The following SORD variants were observed in gnomAD, a reference collection of about 807,000 sequenced individuals.
SORD encodes sorbitol dehydrogenase.
In SORD, 18 loss-of-function variants were observed where a neutral mutation model predicts 35.6. That is an observed-to-expected ratio of 0.51 (90% confidence interval 0.35 to 0.75). The LOEUF (loss-of-function observed/expected upper bound fraction) is 0.75, where lower values mean the gene tolerates loss of function less well. Ranked by LOEUF, SORD falls within the 30% of genes least tolerant of loss-of-function variation. The pLI is 0.01. For synonymous variants in SORD, 106 were observed against 152.9 expected (o/e 0.69, Z 2.26); for missense variants, 250 against 390.2 (o/e 0.64, Z 3.03).
At chr15:45,027,096 G>T (rs1172542586) in intron 1 of SORD, among the ~76,000 whole-genome samples, 2 of 152,246 alleles carry the variant, frequency 1.3e-5, no homozygotes, top group African/African-American at 2.4e-5. Flanking sequence ...AAGACCAGTG[G>T]TTTTCTTTTA....
intron 1 of SORD, among the ~76,000 whole-genome samples, chr15:45,028,349 T>A (rs201074744): frequency 0.19 from 26,862 of 142,204 alleles, no homozygotes; most frequent in African/African-American, 0.44. Flanking sequence ...AACAAAAAAA[T>A]TATATAAACA....
In SORD at chr15:45,069,019, G is replaced by A. The variant is rs199999714; in HGVS notation, c.753G>A (p.Thr251=). ...AGCCGGAAGTCACCATCGAGTGCACGGGGGCAGAGGCCTCCATCCAGGCGG... is the reference window on the plus strand; with the variant it reads ...AGCCGGAAGTCACCATCGAGTGCACAGGGGCAGAGGCCTCCATCCAGGCGG... The part of the protein sequence containing the change: ...GCKPEVTIEC[T]GAEASIQAGI... Residue 251 remains threonine, a synonymous_variant, in exon 7 of 9, where the codon ACG becomes ACA. Coordinates refer to ENST00000267814, the MANE Select transcript of SORD (RefSeq NM_003104.6). The A allele has an allele frequency of 1.5e-4, 244 of 1,596,654 alleles. 1 individual carries two copies. Among genetic ancestry groups the A allele is most frequent in the Middle Eastern group, 3.3e-4 (2 of 5,998 alleles).
Position 45,068,880 on chromosome 15 carries a change from T to G in SORD, c.614T>G (p.Leu205Arg), listed in dbSNP as rs1893455461. ...TTTTTTTTTTTTTTACCTTCAGATC[T>G]GTCTGCTACCCGATTGTCCAAAGCC... ...MGAAQVVVTD[L>R]SATRLSKAKE... Residue 205 changes from leucine (L) to arginine (R), a missense_variant, in exon 7 of 9, where the codon CTG (leucine) becomes CGG (arginine). Leu to Arg is a moderately radical substitution (Grantham distance 102). Coordinates refer to ENST00000267814, the MANE Select transcript of SORD (RefSeq NM_003104.6). The G allele has an allele frequency of 6.8e-7, 1 of 1,463,028 alleles. No homozygotes were observed. The highest frequency in any genetic ancestry group is 2.7e-5 in the Admixed American group (1 of 36,530). The allele number at this position is 1,463,028 out of a possible 1,614,324, so 90.6% of individuals were successfully genotyped here. A position where few individuals can be genotyped will look rare whatever the true frequency, so the allele number is the denominator to read the frequency against.
intron 3 of SORD, among the ~76,000 whole-genome samples, chr15:45,058,892 C>T (rs1893258309): frequency 6.6e-6 from 1 of 152,202 alleles, no homozygotes; most frequent in Non-Finnish European, 1.5e-5. Flanking sequence ...ATTAGGCAAG[C>T]ACAGAGTGCA....
chr15:45,036,982 A>G (rs1372949722), intron 1 of SORD, among the ~76,000 whole-genome samples: 5 of 152,228 alleles, frequency 3.3e-5, no homozygotes, highest in South Asian at 4.1e-4. Flanking sequence ...CCATGCTGTA[A>G]TAACTTTCTA....
chr15:45,056,278 C>A (rs7175182), intron 3 of SORD, among the ~76,000 whole-genome samples: 1 of 145,978 alleles, frequency 6.9e-6, no homozygotes, highest in Non-Finnish European at 1.5e-5. Context: ...AGCTGATAAG[C>A]AACTTCAGCA....
At chr15:45,028,662 A>G (rs1208289810) in intron 1 of SORD, among the ~76,000 whole-genome samples, 2 of 150,806 alleles carry the variant, frequency 1.3e-5, no homozygotes, top group Non-Finnish European at 2.9e-5. Flanking sequence ...AAAAATTAAT[A>G]TATTGGCATC....
At chr15:45,053,398 A>G (rs1347603495) in intron 3 of SORD, among the ~76,000 whole-genome samples, 1 of 152,204 alleles carries the variant, frequency 6.6e-6, no homozygotes, top group Non-Finnish European at 1.5e-5. Flanking sequence ...CAAAGACAAA[A>G]CACTAATAAT....
chr15:45,037,254 C>A (rs887976559), intron 1 of SORD, among the ~76,000 whole-genome samples: 72 of 152,254 alleles, frequency 4.7e-4, no homozygotes, highest in Admixed American at 7.2e-4. Flanking sequence ...AGCACCCTCT[C>A]GTGTCTGGGA....
chr15:45,025,790 C>G (rs1210073111), intron 1 of SORD, among the ~76,000 whole-genome samples: 3 of 152,150 alleles, frequency 2.0e-5, no homozygotes, highest in Non-Finnish European at 4.4e-5. Flanking sequence ...GCCCCGCCAC[C>G]CAGGAGACAT....
At chr15:45,055,958 C>G (rs1893208105) in intron 3 of SORD, among the ~76,000 whole-genome samples, 1 of 151,870 alleles carries the variant, frequency 6.6e-6, no homozygotes, top group Non-Finnish European at 1.5e-5. Flanking sequence ...GCTAAAAACT[C>G]TCAATAAATT....
intron 5 of SORD, 83 bp downstream of exon 5, chr15:45,065,472 G>T (rs1329859742): frequency 7.3e-6 from 11 of 1,513,816 alleles, no homozygotes; most frequent in Non-Finnish European, 8.9e-6. Flanking sequence ...CCCCTCCAAG[G>T]CTTGAGATTT....
Position 45,074,192 on chromosome 15 carries a change from G to A in SORD, c.*662G>A, listed in dbSNP as rs878985733. On this transcript the variant is annotated 3_prime_UTR_variant, in exon 9 of 9. Transcript: ENST00000267814. ...TTCCCCTAATGTGGAAAAAGTAAGA[G>A]GACTACTCAGCACTGTTTGAAGATT... The A allele has an allele frequency of 6.9e-6, 1 of 144,588 alleles. No individual in the cohort carries two copies. The highest frequency in any genetic ancestry group is 2.0e-4 in the East Asian group (1 of 5,014). The allele number at this position is 144,588 out of a possible 1,614,324, so 9.0% of individuals were successfully genotyped here.
chr15:45,023,331 A>T lies in SORD; in HGVS notation c.48A>T (p.Gly16=), dbSNP rs1361479856. ...KPNNLSLVVH[G]PGDLRLENYP... ...ACAACCTTTCCCTGGTGGTGCACGG[A>T]CCGGGGGACTTGCGCCTGGTAAGCT... The change falls in exon 1 of 9, where the codon GGA becomes GGT. Residue 16 remains glycine (G), a synonymous_variant. Coordinates refer to ENST00000267814, the MANE Select transcript of SORD (RefSeq NM_003104.6). 6.3e-7 allele frequency: 1 copy of T among 1,587,796 alleles called. No individual in the cohort carries two copies. The highest frequency in any genetic ancestry group is 1.2e-5 in the South Asian group (1 of 86,848).
intron 1 of SORD, among the ~76,000 whole-genome samples, chr15:45,029,207 C>T (rs925413177): frequency 6.6e-6 from 1 of 152,272 alleles, no homozygotes; most frequent in Admixed American, 6.5e-5. Context: ...CCAAACTGGA[C>T]ATACCATTTC....
intron 4 of SORD, among the ~76,000 whole-genome samples, chr15:45,062,761 A>G (rs1372827363): frequency 1.5e-5 from 2 of 135,186 alleles, no homozygotes; most frequent in African/African-American, 5.2e-5. Context: ...GCAGAAGAGC[A>G]TAGTGGTGAA....
intron 4 of SORD, among the ~76,000 whole-genome samples, chr15:45,062,084 A>G (rs1893322891): frequency 6.6e-6 from 1 of 152,084 alleles, no homozygotes; most frequent in South Asian, 2.1e-4. Context: ...ATGCATGGAG[A>G]GTCATAATTA....
chr15:45,050,794 T>A (rs1893112458), intron 3 of SORD: 1 of 152,212 alleles, frequency 6.6e-6, no homozygotes, highest in South Asian at 2.1e-4. Flanking sequence ...ATACTCCAAA[T>A]TTTGTTCACA....
At chr15:45,031,582 T>A (rs1358468525) in intron 1 of SORD, among the ~76,000 whole-genome samples, 1 of 152,270 alleles carries the variant, frequency 6.6e-6, no homozygotes, top group African/African-American at 2.4e-5. Flanking sequence ...ATGTCCATTG[T>A]CATAACTTAG....
Sources: allele counts gnomAD v4.1 joint callset (sites outside exome capture counted in the v4.1 genomes callset), GRCh38; gene constraint gnomAD v4.1.1; transcripts MANE v1.5; gene names NCBI Gene and HGNC (gene_info 2026-07-23, HGNC 2026-07-21).